MLXIP: variants seen among roughly 807,000 people sequenced by gnomAD.
MLXIP encodes MLX interacting protein, also known as MLX-interacting protein.
MLXIP carries 30 observed loss-of-function variants against 87.2 expected under a neutral mutation model. The observed-to-expected ratio is 0.34, with a 90% CI of 0.26 to 0.47. The LOEUF is 0.47. MLXIP is among the 20% of genes least tolerant of loss of function. The pLI, the probability that MLXIP is intolerant of heterozygous loss-of-function variation, is 1.00. For synonymous variants in MLXIP, 530 were observed against 514.0 expected (o/e 1.03, Z -0.42); for missense variants, 1,002 against 1,240.1 (o/e 0.81, Z 2.88).
chr12:122,107,098 C>T (rs966786848), intron 1 of MLXIP, among the ~76,000 whole-genome samples: 1 of 152,130 alleles, frequency 6.6e-6, no homozygotes, highest in African/African-American at 2.4e-5. Flanking sequence ...CCAGGTTGTC[C>T]ACTCTGTAGC....
At chr12:122,094,677 T>C (rs1191769421) in intron 1 of MLXIP, among the ~76,000 whole-genome samples, 7 of 143,274 alleles carry the variant, frequency 4.9e-5, no homozygotes, top group East Asian at 4.3e-4. Flanking sequence ...CAGGTGTGTG[T>C]GCGATGTCTG....
intron 5 of MLXIP, 70 bp downstream of exon 5, chr12:122,129,699 A>G (rs556762407): frequency 3.2e-5 from 51 of 1,577,142 alleles, no homozygotes; most frequent in Middle Eastern, 3.3e-4. Flanking sequence ...GTGGCCCACC[A>G]GGGAGCCCTG....
chr12:122,094,157 T>G (rs1952302800), intron 1 of MLXIP, among the ~76,000 whole-genome samples: 1 of 139,142 alleles, frequency 7.2e-6, no homozygotes. Context: ...GATGTGTATG[T>G]TTGCAGTGTC....
intron 5 of MLXIP, 135 bp downstream of exon 5, chr12:122,129,764 C>T (rs1952941932): frequency 7.6e-7 from 1 of 1,320,932 alleles, no homozygotes; most frequent in East Asian, 2.5e-5. Context: ...GCTCAAGAAG[C>T]AGTCCAGCTC....
Position 122,135,440 on chromosome 12 carries a change from C to T in MLXIP, c.1855-49C>T, listed in dbSNP as rs772055043. The T allele has an allele frequency of 3.7e-6, 6 of 1,607,258 alleles. No homozygotes were observed. The East Asian group carries it at 1.1e-4, about 30-fold the overall frequency. ...CACCTGAGACGACTGGTGTGCCGCCCTGCTGTATATCAGCAGTCAGGGGTG... is the reference window on the plus strand; with the variant it reads ...CACCTGAGACGACTGGTGTGCCGCCTTGCTGTATATCAGCAGTCAGGGGTG... On this transcript the variant is annotated intron_variant, in intron 10 of 16. Coordinates refer to ENST00000319080, the MANE Select transcript of MLXIP (RefSeq NM_014938.6). The surrounding 1 kb of genome is among the most constrained non-coding windows in gnomAD (Gnocchi z 5.3).
intron 6 of MLXIP, 138 bp from the exon 7 acceptor site, chr12:122,130,706 A>C: frequency 1.5e-6 from 1 of 651,722 alleles, no homozygotes; most frequent in Admixed American, 2.5e-5. Context: ...AAACCCTGAG[A>C]AGGTAGAAAT....
chr12:122,139,992 T>C (rs1009071317), intron 15 of MLXIP, among the ~76,000 whole-genome samples: 1 of 152,112 alleles, frequency 6.6e-6, no homozygotes, highest in African/African-American at 2.4e-5. Flanking sequence ...CAGTTTTTAA[T>C]TGAAGAGATG....
Position 122,135,879 on chromosome 12 carries a change from G to A in MLXIP, c.2032+213G>A. 1.7e-6 allele frequency: 1 copy of A among 597,396 alleles called. No individual in the cohort carries two copies. 37.0% of individuals were successfully genotyped at this position (597,396 alleles called of 1,614,324 possible). A position where few individuals can be genotyped will look rare whatever the true frequency, so the allele number is the denominator to read the frequency against. ...TGGCACTGGCAGGGCAAAAAGTAGT[G>A]AACATGTGGCAGTGTAGGTGACCCG... On this transcript the variant is annotated intron_variant, in intron 11 of 16. Coordinates refer to ENST00000319080, the MANE Select transcript of MLXIP (RefSeq NM_014938.6). This position sits in a 1 kb window ranked among gnomAD's most constrained non-coding sequence, Gnocchi z 5.3.
intron 1 of MLXIP, among the ~76,000 whole-genome samples, chr12:122,102,530 C>A (rs1952452962): frequency 6.6e-6 from 1 of 152,096 alleles, no homozygotes; most frequent in Non-Finnish European, 1.5e-5. Context: ...CATGGAGTTA[C>A]CATGTGACCT....
rs116209010 is a variant in MLXIP, at chr12:122,119,690, G to A, written c.414-7566G>A. Among the ~76,000 whole-genome samples, 521 of 152,304 alleles carry A rather than the reference G, an allele frequency of 3.4e-3. 2 individuals are homozygous for A. Among genetic ancestry groups the A allele is most frequent in the African/African-American group, 0.012 (484 of 41,572 alleles). Reference sequence around the variant, plus strand: ...ACAGGCGTGAGCCACCGCGCCTGGCGATATGCCAGTTTTGACTGGTTCCCT... The same window carrying A: ...ACAGGCGTGAGCCACCGCGCCTGGCAATATGCCAGTTTTGACTGGTTCCCT... On this transcript the variant is annotated intron_variant, in intron 1 of 16. Coordinates refer to ENST00000319080, the MANE Select transcript of MLXIP (RefSeq NM_014938.6).
chr12:122,104,575 C>CTTTTTTTTTT (rs751931978), intron 1 of MLXIP, among the ~76,000 whole-genome samples: 2 of 91,296 alleles, frequency 2.2e-5, no homozygotes, highest in Non-Finnish European at 4.1e-5. Context: ...ATTACCTTTT[C>CTTTTTTTTTT]TTTTTTTTTT....
chr12:122,121,502 C>T (rs534962875), intron 1 of MLXIP, among the ~76,000 whole-genome samples: 1 of 151,848 alleles, frequency 6.6e-6, no homozygotes, highest in South Asian at 2.1e-4. Flanking sequence ...CCCTCCTGAC[C>T]CTCGTGATCT....
chr12:122,096,069 A>G (rs2067546065), intron 1 of MLXIP, among the ~76,000 whole-genome samples: 1 of 151,426 alleles, frequency 6.6e-6, no homozygotes, highest in African/African-American at 2.4e-5. Context: ...AAGCCACAAA[A>G]TATCCATCTG....
chr12:122,120,827 G>A (rs1175391480), intron 1 of MLXIP, among the ~76,000 whole-genome samples: 2 of 151,982 alleles, frequency 1.3e-5, no homozygotes, highest in Non-Finnish European at 2.9e-5. Context: ...CACTCTACCT[G>A]TCTGTCAGGG....
rs114378830 is a variant in MLXIP, at chr12:122,111,564, C to G, written c.414-15692C>G. Among the ~76,000 whole-genome samples, 729 of 152,282 alleles carry G rather than the reference C, an allele frequency of 4.8e-3. 6 individuals are homozygous for G. Among genetic ancestry groups the G allele is most frequent in the African/African-American group, 0.016 (683 of 41,536 alleles). On this transcript the variant is annotated intron_variant, in intron 1 of 16. Coordinates refer to ENST00000319080, the MANE Select transcript of MLXIP (RefSeq NM_014938.6). ...TATAATGGAAACCTTTCCCTGCTGC[C>G]TGTGGCTTAGCCGTTTGGTCAGGGT...
chr12:122,129,594 C>T lies in MLXIP; in HGVS notation c.703C>T (p.Gln235Ter), dbSNP rs1252526256. Residue 235 changes from glutamine to a stop codon, truncating the protein, a stop_gained, in exon 5 of 17, where the codon CAG becomes TAG. Transcript: ENST00000319080. LOFTEE classifies it high-confidence loss of function. ...CCTGTCCCTTTGCCCACAGCTACAG[C>T]AGCACAAGGATGAGGACCTCTCCAG... ...WRTYFKKRLQ[Q>*]HKDEDLSSLV... 1.2e-5 allele frequency: 20 copies of T among 1,613,666 alleles called. 1 individual carries two copies. The highest frequency in any genetic ancestry group is 1.7e-5 in the Non-Finnish European group (20 of 1,179,834).
chr12:122,108,891 GA>G (rs1199601817), intron 1 of MLXIP, among the ~76,000 whole-genome samples: 1 of 152,146 alleles, frequency 6.6e-6, no homozygotes, highest in Non-Finnish European at 1.5e-5. Flanking sequence ...AGGGGTAAAT[GA>G]AAGAGAGAGA....
At position 122,141,737 on chromosome 12, in the gene MLXIP, C is replaced by T. The variant is rs538440843; in HGVS notation, c.2685C>T (p.Leu895=). 6.2e-7 allele frequency: 1 copy of T among 1,613,892 alleles called. No homozygotes were observed. Among genetic ancestry groups the T allele is most frequent in the Admixed American group, 1.7e-5 (1 of 60,028 alleles). ...LRQLSTSTSI[L]TDPAQLPEQA... is the part of the protein sequence containing the mutation. ...AGCTGAGCACCTCCACCTCCATCCT[C>T]ACAGACCCGGCACAGCTGCCAGAGC... The change falls in exon 17 of 17, where the codon CTC becomes CTT. Residue 895 remains leucine, a synonymous_variant. Coordinates refer to ENST00000319080, the MANE Select transcript of MLXIP (RefSeq NM_014938.6).
intron 8 of MLXIP, chr12:122,132,652 T>A (rs1033647616): frequency 9.5e-6 from 4 of 422,392 alleles, no homozygotes; most frequent in Non-Finnish European, 1.7e-5. Flanking sequence ...CTGCTCCGAC[T>A]AATTAACACA....
Sources: gnomAD v4.1 joint callset for allele counts (sites outside exome capture counted in the v4.1 genomes callset) on GRCh38, gnomAD v4.1.1 for gene constraint, Gnocchi (gnomAD v3.1) non-coding constraint, MANE v1.5 for transcripts, NCBI Gene and HGNC (gene_info 2026-07-23, HGNC 2026-07-21) for gene names.